The following OSBPL11 variants were observed in gnomAD, a reference collection of about 807,000 sequenced individuals.
OSBPL11 encodes oxysterol-binding protein-related protein 11.
In OSBPL11, 33 loss-of-function variants were observed where a neutral mutation model predicts 84.4. That is an observed-to-expected ratio of 0.39 (90% CI 0.30 to 0.52). OSBPL11 has a LOEUF of 0.52. OSBPL11 is among the 20% of genes least tolerant of loss of function. The pLI is 0.72. For missense variants in OSBPL11, 736 were observed against 901.1 expected (o/e 0.82, Z 2.35); for synonymous variants, 276 against 310.2 (o/e 0.89, Z 1.16).
At chr3:125,543,895 A>C (rs1935772179) in intron 10 of OSBPL11, among the ~76,000 whole-genome samples, 1 of 152,044 alleles carries the variant, frequency 6.6e-6, no homozygotes, top group East Asian at 1.9e-4. Context: ...GTGAGACTCC[A>C]TCTCAAAAAT....
intron 8 of OSBPL11, among the ~76,000 whole-genome samples, chr3:125,556,146 T>C (rs1038566885): frequency 4.6e-5 from 7 of 152,146 alleles, no homozygotes; most frequent in African/African-American, 1.2e-4. Flanking sequence ...ACGGATACAG[T>C]AAACGGATTA....
intron 10 of OSBPL11, among the ~76,000 whole-genome samples, chr3:125,542,819 ATT>A (rs1335956434): frequency 1.3e-5 from 2 of 151,940 alleles, no homozygotes; most frequent in Non-Finnish European, 2.9e-5. Context: ...CTAATTTTGT[ATT>A]TTTATTAGAG....
At chr3:125,578,016 C>A (rs896870659) in intron 4 of OSBPL11, among the ~76,000 whole-genome samples, 6 of 152,080 alleles carry the variant, frequency 3.9e-5, no homozygotes, top group Admixed American at 3.3e-4. Context: ...CACATAAAAA[C>A]TTGAACACTT....
chr3:125,530,848 A>G (rs2294052), intron 12 of OSBPL11, among the ~76,000 whole-genome samples: 15,703 of 152,182 alleles, frequency 0.1, 1,734 homozygotes, highest in African/African-American at 0.28. Context: ...AATTTTGCCA[A>G]TTTCGCCAAG....
chr3:125,556,618 A>G (rs911705276), intron 8 of OSBPL11, among the ~76,000 whole-genome samples: 1 of 152,214 alleles, frequency 6.6e-6, no homozygotes, highest in Non-Finnish European at 1.5e-5. Context: ...AACTTTCTCA[A>G]TAACTTATAA....
intron 4 of OSBPL11, among the ~76,000 whole-genome samples, chr3:125,577,944 T>C (rs1936355410): frequency 6.6e-6 from 1 of 152,116 alleles, no homozygotes; most frequent in African/African-American, 2.4e-5. Flanking sequence ...ATGTTAAACA[T>C]AGAACTATCA....
intron 1 of OSBPL11, among the ~76,000 whole-genome samples, chr3:125,584,049 G>A (rs1031310187): frequency 2.0e-5 from 3 of 152,046 alleles, no homozygotes; most frequent in African/African-American, 7.2e-5. Flanking sequence ...TAGGTACTTA[G>A]TACACAGCTC....
chr3:125,548,875 A>AT lies in OSBPL11; in HGVS notation c.1655-1284dup, dbSNP rs34392203. Among the ~76,000 whole-genome samples the AT allele has an allele frequency of 3.8e-3, 552 of 147,034 alleles. 1 individual carries two copies. Among genetic ancestry groups the AT allele is most frequent in the African/African-American group, 0.01 (417 of 40,174 alleles). On this transcript the variant is annotated intron_variant, in intron 9 of 12. Transcript: ENST00000296220. ...TAGCCTACACAAAGCAACATCAACT[A>AT]TTTTTTTTTTTTGTATTGCTCTTAA...
chr3:125,576,160 A>AT, intron 5 of OSBPL11, 29 bp downstream of exon 5: 1 of 1,577,392 alleles, frequency 6.3e-7, no homozygotes. Context: ...CATTTTGTGC[A>AT]TTTTAACTTG....
At position 125,560,369 on chromosome 3, in the gene OSBPL11, C is replaced by A; in HGVS notation, c.1155+10G>T. On this transcript the variant is annotated intron_variant, in intron 8 of 12. Coordinates refer to ENST00000296220, the MANE Select transcript of OSBPL11 (RefSeq NM_022776.5). Reference sequence around the variant, plus strand: ...AACAATCTCCATAGCCAGCTTATGCCATTACTTACTCTTGTTAAATCCATG... The same window carrying A: ...AACAATCTCCATAGCCAGCTTATGCAATTACTTACTCTTGTTAAATCCATG... 1 of 1,527,518 alleles carries A rather than the reference C, an allele frequency of 6.5e-7. No homozygotes were observed. The highest frequency in any genetic ancestry group is 8.9e-7 in the Non-Finnish European group (1 of 1,127,550). 94.6% of individuals were successfully genotyped at this position (1,527,518 alleles called of 1,614,324 possible).
chr3:125,583,400 G>A (rs13321137), intron 1 of OSBPL11, among the ~76,000 whole-genome samples: 16,378 of 151,288 alleles, frequency 0.11, 1,050 homozygotes, highest in South Asian at 0.17. Context: ...GGTCAACATG[G>A]CGAAAACCCA....
chr3:125,558,697 T>C (rs894938948), intron 8 of OSBPL11, among the ~76,000 whole-genome samples: 1 of 152,254 alleles, frequency 6.6e-6, no homozygotes, highest in Non-Finnish European at 1.5e-5. Context: ...TTGAACTTGA[T>C]TGGCTTTTTA....
intron 1 of OSBPL11, among the ~76,000 whole-genome samples, chr3:125,590,132 G>C (rs1444994064): frequency 6.6e-6 from 1 of 152,192 alleles, no homozygotes; most frequent in Non-Finnish European, 1.5e-5. Flanking sequence ...AGGAAGGAAA[G>C]ACCCAGAACT....
intron 10 of OSBPL11, among the ~76,000 whole-genome samples, chr3:125,544,070 ATTTTTTTT>A (rs35835902): frequency 7.3e-5 from 10 of 136,824 alleles, no homozygotes; most frequent in Admixed American, 2.2e-4. Flanking sequence ...ATGAACCAAG[ATTTTTTTT>A]TTTTTTTTTT....
intron 1 of OSBPL11, among the ~76,000 whole-genome samples, chr3:125,591,874 A>G (rs1353454538): frequency 6.6e-6 from 1 of 152,086 alleles, no homozygotes; most frequent in African/African-American, 2.4e-5. Context: ...ATGGTGGTGT[A>G]CACCTGTAGT....
chr3:125,574,765 T>C (rs913705576), intron 5 of OSBPL11, among the ~76,000 whole-genome samples: 1 of 152,140 alleles, frequency 6.6e-6, no homozygotes, highest in African/African-American at 2.4e-5. Context: ...CACTGTATAA[T>C]AATAAAATGG....
intron 11 of OSBPL11, among the ~76,000 whole-genome samples, chr3:125,534,160 C>T (rs987322707): frequency 1.3e-5 from 2 of 152,032 alleles, no homozygotes; most frequent in Non-Finnish European, 2.9e-5. Context: ...GTGAGTGGAT[C>T]ACTTGAGGTC....
intron 1 of OSBPL11, among the ~76,000 whole-genome samples, chr3:125,592,428 T>C (rs1277756885): frequency 6.6e-6 from 1 of 152,082 alleles, no homozygotes; most frequent in Non-Finnish European, 1.5e-5. Flanking sequence ...AAGTTTTCTG[T>C]GTGTCAAAAA....
Position 125,594,849 on chromosome 3 carries a change from T to C in OSBPL11, c.-49A>G. The C allele has an allele frequency of 1.3e-6, 2 of 1,563,892 alleles. No individual in the cohort carries two copies. Among genetic ancestry groups the C allele is most frequent in the Admixed American group, 3.9e-5 (2 of 50,636 alleles). On this transcript the variant is annotated 5_prime_UTR_variant, in exon 1 of 13. Transcript: ENST00000296220. The stretch of plus-strand genomic sequence containing the variant: ...CTTCTTGAGCGGGAGAGAACAATTC[T>C]GTAGTTCTGTAGGTGACTTTTTTTT...
Sources: allele counts gnomAD v4.1 joint callset (sites outside exome capture counted in the v4.1 genomes callset), GRCh38; gene constraint gnomAD v4.1.1; transcripts MANE v1.5; gene names NCBI Gene and HGNC (gene_info 2026-07-23, HGNC 2026-07-21).